Variants in SPAG16 observed in about 807,000 individuals in gnomAD.
SPAG16 encodes sperm associated antigen 16.
A neutral mutation model predicts 80.4 loss-of-function variants in SPAG16; 86 were observed. That is an observed-to-expected ratio of 1.07 (90% CI 0.90 to 1.28). SPAG16 has a LOEUF of 1.28. SPAG16 is among the 50% of genes most tolerant of loss of function. The probability of loss-of-function intolerance (pLI) is 0.00; values close to 1 mark genes in which losing one functional copy is unlikely to be tolerated. For missense variants in SPAG16, 870 were observed against 765.3 expected (o/e 1.14, Z -1.61); for synonymous variants, 294 against 265.9 (o/e 1.11, Z -1.03).
chr2:213,349,192 C>A (rs186360524), intron 6 of SPAG16, among the ~76,000 whole-genome samples: 2 of 151,996 alleles, frequency 1.3e-5, no homozygotes, highest in East Asian at 3.8e-4. Flanking sequence ...GCAGCCAATG[C>A]GGCTTAAATT....
intron 15 of SPAG16, among the ~76,000 whole-genome samples, chr2:214,222,537 A>C (rs1051009124): frequency 5.9e-5 from 9 of 152,216 alleles, no homozygotes; most frequent in African/African-American, 2.2e-4. Context: ...TAATCTCAGA[A>C]GAAAATTTTT....
intron 9 of SPAG16, among the ~76,000 whole-genome samples, chr2:213,457,382 G>T (rs2072083388): frequency 6.6e-6 from 1 of 152,190 alleles, no homozygotes; most frequent in South Asian, 2.1e-4. Context: ...AATTTGAGCA[G>T]ACTGTTCTGA....
At chr2:214,251,131 T>A (rs918354) in intron 15 of SPAG16, among the ~76,000 whole-genome samples, 142,623 of 151,872 alleles carry the variant, frequency 0.94, 67,430 homozygotes, top group Non-Finnish European at 1. Context: ...GATAAGTTAC[T>A]ATGTATATTG....
At chr2:213,689,892 A>G (rs1383235633) in intron 10 of SPAG16, among the ~76,000 whole-genome samples, 1 of 152,156 alleles carries the variant, frequency 6.6e-6, no homozygotes, top group Non-Finnish European at 1.5e-5. Flanking sequence ...ATTTCTTCAC[A>G]CCACTCATTT....
At chr2:213,994,498 A>G (rs1422416670) in intron 12 of SPAG16, among the ~76,000 whole-genome samples, 3 of 151,824 alleles carry the variant, frequency 2.0e-5, no homozygotes, top group African/African-American at 7.3e-5. Context: ...AAAATATTAG[A>G]TCCTGTTACA....
intron 10 of SPAG16, among the ~76,000 whole-genome samples, chr2:213,589,774 T>C (rs540531671): frequency 6.6e-6 from 1 of 152,070 alleles, no homozygotes; most frequent in Non-Finnish European, 1.5e-5. Flanking sequence ...ATATAAAAAT[T>C]AGCTGAGCAT....
At chr2:213,409,136 A>C (rs746399723) in intron 9 of SPAG16, among the ~76,000 whole-genome samples, 18 of 149,492 alleles carry the variant, frequency 1.2e-4, no homozygotes, top group Non-Finnish European at 2.1e-4. Flanking sequence ...TTTAAAGGGG[A>C]TGTTTGTGAC....
chr2:214,235,827 A>G (rs1432481273), intron 15 of SPAG16, among the ~76,000 whole-genome samples: 1 of 152,178 alleles, frequency 6.6e-6, no homozygotes, highest in Non-Finnish European at 1.5e-5. Flanking sequence ...TGTTGTCTTT[A>G]TGTATTATAG....
chr2:214,100,616 A>AAT (rs979807941), intron 13 of SPAG16, among the ~76,000 whole-genome samples: 23 of 152,030 alleles, frequency 1.5e-4, no homozygotes, highest in Middle Eastern at 3.4e-3. Flanking sequence ...CTCCCACTTA[A>AAT]ATACCAAAAC....
intron 10 of SPAG16, among the ~76,000 whole-genome samples, chr2:213,792,013 G>T (rs2070728328): frequency 6.6e-6 from 1 of 152,140 alleles, no homozygotes; most frequent in South Asian, 2.1e-4. Flanking sequence ...GAACAAGATA[G>T]CTTCCCAAGC....
At chr2:213,766,425 T>G (rs1273627847) in intron 10 of SPAG16, among the ~76,000 whole-genome samples, 1 of 152,228 alleles carries the variant, frequency 6.6e-6, no homozygotes, top group Non-Finnish European at 1.5e-5. Flanking sequence ...AGTCACAGGT[T>G]GGGAGCTCTA....
Position 214,316,759 on chromosome 2 carries a change from C to T in SPAG16, c.1721-93381C>T, listed in dbSNP as rs186499341. 2.0e-5 allele frequency among the ~76,000 whole-genome samples: 3 copies of T among 152,164 alleles called. No homozygotes were observed. In the East Asian group the frequency reaches 5.8e-4, roughly 29 times the overall value. On this transcript the variant is annotated intron_variant, in intron 15 of 15. Coordinates refer to ENST00000331683, the MANE Select transcript of SPAG16 (RefSeq NM_024532.5). Reference sequence around the variant, plus strand: ...TTGTCTCAAGATCCTATCAATGTTACATAATATAAATCCTCATATTCTCAC... The same window carrying T: ...TTGTCTCAAGATCCTATCAATGTTATATAATATAAATCCTCATATTCTCAC...
chr2:213,866,168 G>A (rs904222280), intron 11 of SPAG16, among the ~76,000 whole-genome samples: 13 of 151,634 alleles, frequency 8.6e-5, no homozygotes, highest in Non-Finnish European at 1.5e-4. Context: ...AATAAAACAG[G>A]TAATTTTTAG....
intron 10 of SPAG16, among the ~76,000 whole-genome samples, chr2:213,780,956 G>A (rs763103207): frequency 5.9e-5 from 9 of 152,142 alleles, no homozygotes; most frequent in Non-Finnish European, 1.0e-4. Flanking sequence ...ACTATTGGTA[G>A]TCCACAGAAG....
intron 10 of SPAG16, among the ~76,000 whole-genome samples, chr2:213,637,780 T>C (rs1243011217): frequency 6.6e-6 from 1 of 152,130 alleles, no homozygotes. Flanking sequence ...GTTTTTGAGA[T>C]GAAGTCTCAC....
chr2:213,482,701 G>A (rs1030341721), intron 9 of SPAG16, among the ~76,000 whole-genome samples: 2 of 152,102 alleles, frequency 1.3e-5, no homozygotes, highest in African/African-American at 4.8e-5. Context: ...CTGACACAGA[G>A]TCTGGTAATA....
At chr2:214,334,794 T>C (rs562363187) in intron 15 of SPAG16, among the ~76,000 whole-genome samples, 1 of 152,324 alleles carries the variant, frequency 6.6e-6, no homozygotes, top group East Asian at 1.9e-4. Flanking sequence ...TTTTAACAAT[T>C]GCAAAGCTTC....
At chr2:213,724,829 A>G (rs2066692964) in intron 10 of SPAG16, among the ~76,000 whole-genome samples, 1 of 143,098 alleles carries the variant, frequency 7.0e-6, no homozygotes, top group South Asian at 2.4e-4. Flanking sequence ...AGTTTAATTG[A>G]TGAGTATGAA....
At chr2:213,991,547 T>A (rs1171617603) in intron 12 of SPAG16, among the ~76,000 whole-genome samples, 1 of 152,142 alleles carries the variant, frequency 6.6e-6, no homozygotes, top group African/African-American at 2.4e-5. Context: ...TCTGAATCCA[T>A]GTTTTCCATT....
Sources: gnomAD v4.1 joint callset for allele counts (sites outside exome capture counted in the v4.1 genomes callset) on GRCh38, gnomAD v4.1.1 for gene constraint, MANE v1.5 for transcripts, NCBI Gene and HGNC (gene_info 2026-07-23, HGNC 2026-07-21) for gene names.